GALNT14: variants seen among roughly 807,000 people sequenced by gnomAD.
GALNT14 encodes UDP-GalNAc:polypeptide N-acetylgalactosaminyltransferase 14.
In GALNT14, 60 loss-of-function variants were observed where a neutral mutation model predicts 77.5. That is an observed-to-expected ratio of 0.77 (90% CI 0.63 to 0.96). The LOEUF is 0.96. Ranked by LOEUF, GALNT14 falls within the 40% of genes least tolerant of loss-of-function variation. GALNT14 has a pLI of 0.00. For synonymous variants in GALNT14, 280 were observed against 281.7 expected (o/e 0.99, Z 0.06); for missense variants, 710 against 731.0 (o/e 0.97, Z 0.33).
At chr2:31,130,026 C>T (rs1678899435) in intron 1 of GALNT14, among the ~76,000 whole-genome samples, 1 of 152,192 alleles carries the variant, frequency 6.6e-6, no homozygotes, top group African/African-American at 2.4e-5. Flanking sequence ...AATCCCAGGG[C>T]AGAGACATGT....
intron 12 of GALNT14, 88 bp from the exon 13 acceptor site, chr2:30,924,351 G>A (rs1665224117): frequency 7.2e-7 from 1 of 1,390,142 alleles, no homozygotes. Context: ...AGTGTTCTGA[G>A]AATGGCAGGG....
At chr2:31,129,552 C>A in intron 1 of GALNT14, 5 of 985,394 alleles carry the variant, frequency 5.1e-6, no homozygotes, top group Non-Finnish European at 6.0e-6. Flanking sequence ...AATCCACAGA[C>A]CACGTGGCCT....
intron 1 of GALNT14, among the ~76,000 whole-genome samples, chr2:31,004,735 T>C (rs1285377156): frequency 6.6e-6 from 1 of 152,028 alleles, no homozygotes; most frequent in African/African-American, 2.4e-5. Context: ...AAAAATAAGA[T>C]TTGGATTTAT....
chr2:31,009,530 G>T (rs550475675), intron 1 of GALNT14, among the ~76,000 whole-genome samples: 122 of 152,074 alleles, frequency 8.0e-4, no homozygotes, highest in Non-Finnish European at 1.4e-3. Flanking sequence ...ACCTTCTATA[G>T]ATGGAGGATT....
intron 1 of GALNT14, among the ~76,000 whole-genome samples, chr2:31,080,229 C>A (rs1346646867): frequency 6.6e-6 from 1 of 152,166 alleles, no homozygotes; most frequent in Non-Finnish European, 1.5e-5. Context: ...AAAACCAAAC[C>A]AAACACATTA....
intron 4 of GALNT14, among the ~76,000 whole-genome samples, chr2:30,956,823 T>C (rs1667402196): frequency 6.6e-6 from 1 of 152,220 alleles, no homozygotes; most frequent in African/African-American, 2.4e-5. Flanking sequence ...TCTCTTTTCT[T>C]ATAGGCCATT....
chr2:31,025,404 G>T (rs147167527), intron 1 of GALNT14, among the ~76,000 whole-genome samples: 1 of 152,306 alleles, frequency 6.6e-6, no homozygotes, highest in African/African-American at 2.4e-5. Context: ...TGGAGAGAGA[G>T]ACGGGTAGAG....
the GALNT14 span, among the ~76,000 whole-genome samples, chr2:30,898,122 T>G: frequency 6.8e-4 from 104 of 152,196 alleles, no homozygotes; most frequent in Non-Finnish European, 1.1e-3. Flanking sequence ...ATTAGTGCCC[T>G]TATAAAAGGG....
At chr2:30,938,756 A>T (rs1001913035) in intron 9 of GALNT14, among the ~76,000 whole-genome samples, 3 of 152,224 alleles carry the variant, frequency 2.0e-5, no homozygotes, top group African/African-American at 7.2e-5. Flanking sequence ...GGGTAGGGCA[A>T]GGGCCATGTG....
chr2:30,971,878 C>T (rs980891598), intron 2 of GALNT14, among the ~76,000 whole-genome samples: 1 of 152,176 alleles, frequency 6.6e-6, no homozygotes, highest in Admixed American at 6.5e-5. Context: ...ACCCCACGAG[C>T]TCATTACATC....
At chr2:31,114,913 G>C (rs951311510) in intron 1 of GALNT14, 4 of 670,172 alleles carry the variant, frequency 6.0e-6, no homozygotes, top group Non-Finnish European at 1.1e-5. Flanking sequence ...TATGACTTCA[G>C]TCATACACCA....
intron 2 of GALNT14, among the ~76,000 whole-genome samples, chr2:30,966,644 C>T (rs1311019391): frequency 5.3e-5 from 8 of 152,170 alleles, no homozygotes; most frequent in South Asian, 2.1e-4. Context: ...AACCCCAAGT[C>T]GGGCTCTGCT....
intron 1 of GALNT14, among the ~76,000 whole-genome samples, chr2:31,067,349 C>T (rs954836977): frequency 4.6e-5 from 7 of 152,258 alleles, no homozygotes; most frequent in Admixed American, 3.9e-4. Context: ...GAGTGCCCCT[C>T]GTTACCCTAG....
At chr2:31,016,169 G>A (rs1186151802) in intron 1 of GALNT14, among the ~76,000 whole-genome samples, 1 of 152,158 alleles carries the variant, frequency 6.6e-6, no homozygotes, top group African/African-American at 2.4e-5. Context: ...TGCGAACAGG[G>A]TTAGTTTCTC....
rs534128865 is a variant in GALNT14 at position 31,073,342 on chromosome 2, G to T, written c.129+64616C>A. ...ATTTGTTGCATGTTGACTATATGCA[G>T]ATATTGTTCTAGACATGGGAAATAG... is the stretch of plus-strand genomic sequence containing the variant. On this transcript the variant is annotated intron_variant, in intron 1 of 14. Coordinates refer to ENST00000349752, the MANE Select transcript of GALNT14 (RefSeq NM_024572.4). Among the ~76,000 whole-genome samples, 30 of 152,192 alleles carry T rather than the reference G, an allele frequency of 2.0e-4. 1 individual carries two copies. Among genetic ancestry groups the T allele is most frequent in the Non-Finnish European group, 4.1e-4 (28 of 68,032 alleles).
chr2:30,935,458 G>T (rs1024066044), intron 9 of GALNT14, among the ~76,000 whole-genome samples: 1 of 152,154 alleles, frequency 6.6e-6, no homozygotes, highest in African/African-American at 2.4e-5. Context: ...CTTCAGGCTG[G>T]CTGCTGCCGC....
rs74320458 is a variant in GALNT14 at position 31,083,794 on chromosome 2, G to A, written c.129+54164C>T. ...GCTGCCCTGTGCTAGGCAGCCCAAGGTCCAAGTCCTTCCCTATGTGTGATC... is the reference window on the plus strand; with the variant it reads ...GCTGCCCTGTGCTAGGCAGCCCAAGATCCAAGTCCTTCCCTATGTGTGATC... On this transcript the variant is annotated intron_variant, in intron 1 of 14. Transcript: ENST00000349752. Among the ~76,000 whole-genome samples the A allele has an allele frequency of 4.6e-3, 705 of 152,252 alleles. 4 individuals carry two copies. The highest frequency in any genetic ancestry group is 0.027 in the Middle Eastern group (8 of 294).
intron 1 of GALNT14, among the ~76,000 whole-genome samples, chr2:31,048,017 T>A (rs891883646): frequency 1.3e-5 from 2 of 152,172 alleles, no homozygotes; most frequent in African/African-American, 2.4e-5. Context: ...GACTCCAGCT[T>A]AGGGTCCATA....
At chr2:31,113,427 G>C (rs1366757441) in intron 1 of GALNT14, among the ~76,000 whole-genome samples, 2 of 152,190 alleles carry the variant, frequency 1.3e-5, no homozygotes, top group East Asian at 3.9e-4. Context: ...GCTTGGCCCA[G>C]AGTAGGAGAG....
Sources: gnomAD v4.1 joint callset for allele counts (sites outside exome capture counted in the v4.1 genomes callset) on GRCh38, gnomAD v4.1.1 for gene constraint, MANE v1.5 for transcripts, NCBI Gene and HGNC (gene_info 2026-07-23, HGNC 2026-07-21) for gene names.